The following ADAMTSL1 variants were observed in gnomAD, a reference collection of about 807,000 sequenced individuals.
The protein encoded by ADAMTSL1 is ADAMTS-like protein 1.
ADAMTSL1 carries 126 observed loss-of-function variants against 201.8 expected under a neutral mutation model. The observed-to-expected ratio is 0.62, with a 90% CI of 0.54 to 0.72. The LOEUF is 0.72. Ranked by LOEUF, ADAMTSL1 falls within the 30% of genes least tolerant of loss-of-function variation. The pLI, the probability that ADAMTSL1 is intolerant of heterozygous loss-of-function variation, is 0.00. For missense variants in ADAMTSL1, 2,679 were observed against 2,277.8 expected, an observed-to-expected ratio of 1.18 and a Z score of -3.59; for synonymous variants, 1,121 against 903.4, an observed-to-expected ratio of 1.24 and a Z score of -4.32.
intron 2 of ADAMTSL1, among the ~76,000 whole-genome samples, chr9:18,290,453 C>T (rs189485810): frequency 2.0e-5 from 3 of 152,152 alleles, no homozygotes; most frequent in Non-Finnish European, 4.4e-5. Flanking sequence ...GGGGTTGAAC[C>T]ATCTTGCAAA....
chr9:18,713,485 A>G (rs1182697867), intron 14 of ADAMTSL1, among the ~76,000 whole-genome samples: 1 of 152,156 alleles, frequency 6.6e-6, no homozygotes, highest in Non-Finnish European at 1.5e-5. Flanking sequence ...ACCAACAAAG[A>G]TCAAAAGAGA....
chr9:18,761,970 T>C (rs1820094971), intron 16 of ADAMTSL1, among the ~76,000 whole-genome samples: 1 of 152,244 alleles, frequency 6.6e-6, no homozygotes, highest in Non-Finnish European at 1.5e-5. Flanking sequence ...AAGCAGCTTC[T>C]GGCTAATGAT....
chr9:18,119,130 A>G (rs1210250204), intron 1 of ADAMTSL1, among the ~76,000 whole-genome samples: 1 of 152,154 alleles, frequency 6.6e-6, no homozygotes, highest in African/African-American at 2.4e-5. Context: ...AACGGTATGA[A>G]CTAATATTTT....
At chr9:18,686,009 G>T (rs570895166) in intron 13 of ADAMTSL1, among the ~76,000 whole-genome samples, 2 of 151,542 alleles carry the variant, frequency 1.3e-5, no homozygotes, top group South Asian at 4.2e-4. Flanking sequence ...GCTTTCACCT[G>T]CCAGGCTCAA....
At chr9:18,756,076 A>AAAATATAT (rs1819728814) in intron 16 of ADAMTSL1, among the ~76,000 whole-genome samples, 10 of 80,700 alleles carry the variant, frequency 1.2e-4, no homozygotes, top group Non-Finnish European at 1.0e-4. Flanking sequence ...CTCTACTGAA[A>AAAATATAT]ATATATATAT....
intron 1 of ADAMTSL1, among the ~76,000 whole-genome samples, chr9:18,000,484 C>T (rs1032110622): frequency 7.2e-5 from 11 of 151,984 alleles, no homozygotes; most frequent in Admixed American, 3.9e-4. Context: ...GAGTACCTCT[C>T]CTCTGAGCCC....
In ADAMTSL1 at chr9:18,574,062, TC is replaced by T; in HGVS notation, c.271del (p.Gln91SerfsTer44). 6.2e-7 allele frequency: 1 copy of T among 1,614,000 alleles called. No individual in the cohort carries two copies. The highest frequency in any genetic ancestry group is 8.5e-7 in the Non-Finnish European group (1 of 1,179,934). The stretch of plus-strand genomic sequence containing the variant: ...CACCAGAAGCAGGTGATTTCCGAGC[TC>T]AGCAATGCTCAGCTCATAATGATGT... ...CPPEAGDFRA[Q>X]QCSAHNDVKH... On this transcript the variant is annotated frameshift_variant, in exon 4 of 29. Transcript: ENST00000380548. LOFTEE classifies it high-confidence loss of function.
chr9:18,853,918 T>TGTGTGTGTGTGTGTGCGCGCGC (rs139332733), intron 23 of ADAMTSL1, among the ~76,000 whole-genome samples: 23 of 145,490 alleles, frequency 1.6e-4, no homozygotes, highest in East Asian at 1.4e-3. Flanking sequence ...TGTGTGTGTG[T>TGTGTGTGTGTGTGTGCGCGCGC]GCGCGTGCAT....
chr9:18,470,829 C>T (rs916754017), upstream of ADAMTSL1, among the ~76,000 whole-genome samples: 3 of 136,304 alleles, frequency 2.2e-5, no homozygotes, highest in Non-Finnish European at 3.4e-5. Flanking sequence ...TTCAGACAGC[C>T]CTGACACTCT....
intron 2 of ADAMTSL1, among the ~76,000 whole-genome samples, chr9:18,515,392 T>G (rs62552137): frequency 6.6e-6 from 1 of 152,184 alleles, no homozygotes; most frequent in Non-Finnish European, 1.5e-5. Flanking sequence ...TGGAGTGCAG[T>G]GGTGCCATCT....
At chr9:18,415,583 T>G (rs1356401345) in intron 2 of ADAMTSL1, among the ~76,000 whole-genome samples, 1 of 152,024 alleles carries the variant, frequency 6.6e-6, no homozygotes, top group Admixed American at 6.6e-5. Context: ...AATATATATG[T>G]AATCTGAGTT....
intron 23 of ADAMTSL1, among the ~76,000 whole-genome samples, chr9:18,885,738 G>A (rs979279936): frequency 1.3e-5 from 2 of 151,832 alleles, no homozygotes; most frequent in African/African-American, 4.8e-5. Flanking sequence ...ACTACCTCAG[G>A]AAAAACAAAA....
At chr9:18,414,108 A>C (rs1818568999) in intron 2 of ADAMTSL1, among the ~76,000 whole-genome samples, 1 of 152,214 alleles carries the variant, frequency 6.6e-6, no homozygotes, top group African/African-American at 2.4e-5. Context: ...ACAGTTGACT[A>C]TTCAAGTATG....
chr9:18,546,160 A>C (rs1157091856), intron 3 of ADAMTSL1, among the ~76,000 whole-genome samples: 1 of 152,062 alleles, frequency 6.6e-6, no homozygotes, highest in African/African-American at 2.4e-5. Flanking sequence ...GTTATCTTTG[A>C]GGTTTGGCTA....
chr9:18,796,224 C>A (rs1459166666), intron 20 of ADAMTSL1, among the ~76,000 whole-genome samples: 2 of 152,096 alleles, frequency 1.3e-5, no homozygotes, highest in Non-Finnish European at 2.9e-5. Flanking sequence ...AACTTAGATA[C>A]CAGCTGGACC....
intron 2 of ADAMTSL1, among the ~76,000 whole-genome samples, chr9:18,276,813 C>T (rs753127259): frequency 6.6e-6 from 1 of 152,128 alleles, no homozygotes; most frequent in African/African-American, 2.4e-5. Context: ...GAGAATAGCA[C>T]CAAGCTATTC....
At chr9:18,675,369 G>A (rs922718443) in intron 9 of ADAMTSL1, among the ~76,000 whole-genome samples, 3 of 152,108 alleles carry the variant, frequency 2.0e-5, no homozygotes, top group African/African-American at 7.2e-5. Context: ...AAGAAACCTA[G>A]CTAATGCAGT....
intron 2 of ADAMTSL1, among the ~76,000 whole-genome samples, chr9:18,309,185 C>A (rs1834022731): frequency 6.6e-6 from 1 of 152,120 alleles, no homozygotes; most frequent in South Asian, 2.1e-4. Context: ...TGAAATGTAT[C>A]TCAAAATAAT....
In ADAMTSL1 at chr9:18,299,116, CGTT is replaced by C. The variant is rs1166191608; in HGVS notation, c.207+135139_207+135141del. Among the ~76,000 whole-genome samples the C allele has an allele frequency of 3.3e-5, 5 of 151,940 alleles. 1 individual carries two copies. The South Asian group carries it at 1.0e-3, about 32-fold the overall frequency. Reference sequence around the variant, plus strand: ...CATAATAGCTGTGTGACATAAGTACCGTTGTTATCACCATTTTGCAGATAGAGG... The same window carrying C: ...CATAATAGCTGTGTGACATAAGTACCGTTATCACCATTTTGCAGATAGAGG... On this transcript the variant is annotated intron_variant, in intron 2 of 29. Transcript: ENST00000680146.
Sources: allele counts gnomAD v4.1 joint callset (sites outside exome capture counted in the v4.1 genomes callset), GRCh38; gene constraint gnomAD v4.1.1; transcripts MANE v1.5; gene names NCBI Gene and HGNC (gene_info 2026-07-23, HGNC 2026-07-21).